The following INTS8 variants were observed in gnomAD, a reference collection of about 807,000 sequenced individuals.
The protein encoded by INTS8 is protein kaonashi-1.
INTS8 carries 47 observed loss-of-function variants against 138.9 expected under a neutral mutation model. The ratio of observed to expected loss-of-function variants is 0.34; its 90% CI spans 0.27 to 0.43. INTS8 has a LOEUF of 0.43. Ranked by LOEUF, INTS8 falls within the 20% of genes least tolerant of loss-of-function variation. INTS8 has a pLI of 1.00. For synonymous variants in INTS8, 392 were observed against 400.9 expected (o/e 0.98, Z 0.27); for missense variants, 996 against 1,173.0 (o/e 0.85, Z 2.20).
At chr8:94,876,689 A>C in intron 26 of INTS8, 200 bp downstream of exon 26, 1 of 468,238 alleles carries the variant, frequency 2.1e-6, no homozygotes, top group Non-Finnish European at 3.7e-6. Flanking sequence ...ATGTTAGATC[A>C]TGTCATTTCT....
intron 17 of INTS8, 160 bp downstream of exon 17, chr8:94,865,850 GAAC>G: frequency 1.5e-6 from 1 of 666,886 alleles, no homozygotes; most frequent in Non-Finnish European, 2.5e-6. Context: ...CACCTGTGAT[GAAC>G]CTGTCTGCCT....
intron 16 of INTS8, among the ~76,000 whole-genome samples, chr8:94,863,683 C>T (rs1205827935): frequency 6.6e-6 from 1 of 152,094 alleles, no homozygotes; most frequent in Admixed American, 6.6e-5. Flanking sequence ...TGATTTGAGG[C>T]CTTAGACTTT....
At chr8:94,874,640 A>G (rs1251469146) in intron 23 of INTS8, 38 bp downstream of exon 23, 7 of 1,182,118 alleles carry the variant, frequency 5.9e-6, no homozygotes, top group African/African-American at 1.5e-5. Context: ...TTATTTTTAC[A>G]TATGTTAGAG....
At chr8:94,872,644 T>G (rs933437473) in intron 21 of INTS8, among the ~76,000 whole-genome samples, 1 of 152,218 alleles carries the variant, frequency 6.6e-6, no homozygotes, top group African/African-American at 2.4e-5. Context: ...TTTTTATTCT[T>G]GAAGATAGAT....
chr8:94,824,370 T>C (rs1375269659), intron 1 of INTS8, among the ~76,000 whole-genome samples: 2 of 152,228 alleles, frequency 1.3e-5, no homozygotes, highest in African/African-American at 4.8e-5. Flanking sequence ...TTTTGAAAGA[T>C]AATTTGTTGA....
rs1815134875 is a variant in INTS8 at position 94,841,581 on chromosome 8, G to A, written c.1108G>A (p.Ala370Thr). 1.3e-6 allele frequency: 2 copies of A among 1,562,442 alleles called. No individual in the cohort carries two copies. Among genetic ancestry groups the A allele is most frequent in the Admixed American group, 3.5e-5 (2 of 56,508 alleles). The stretch of plus-strand genomic sequence containing the variant: ...AGTCCTAAGAGAACTCTTTAAGAAA[G>A]CTCAACAGGGGTAAGTAAGTTGAAA... Reference protein sequence around the residue: ...QSVLRELFKKAQQGNEALDEI... With the variant: ...QSVLRELFKKTQQGNEALDEI... The change falls in exon 9 of 27, where the codon GCT becomes ACT. Residue 370 changes from alanine to threonine, a missense_variant. Coordinates refer to ENST00000523731, the MANE Select transcript of INTS8 (RefSeq NM_017864.4).
intron 10 of INTS8, among the ~76,000 whole-genome samples, chr8:94,847,164 A>G (rs1318972541): frequency 1.3e-5 from 2 of 151,938 alleles, no homozygotes; most frequent in Non-Finnish European, 1.5e-5. Flanking sequence ...CTCAGCCTCC[A>G]CAGTAGCTGA....
At chr8:94,825,198 C>G in intron 2 of INTS8, 131 bp downstream of exon 2, 2 of 578,360 alleles carry the variant, frequency 3.5e-6, no homozygotes, top group South Asian at 2.2e-5. Flanking sequence ...CTATAATAAT[C>G]CCGGCACTTT....
At chr8:94,868,670 CTTTTCTT>C (rs1311345435) in intron 20 of INTS8, 1 of 145,980 alleles carries the variant, frequency 6.9e-6, no homozygotes. Flanking sequence ...TTTCTTTTCT[CTTTTCTT>C]TTCTTTTTTT....
At chr8:94,871,708 C>A (rs1478052628) in intron 20 of INTS8, among the ~76,000 whole-genome samples, 176 bp from the exon 21 acceptor site, 1 of 152,190 alleles carries the variant, frequency 6.6e-6, no homozygotes, top group African/African-American at 2.4e-5. Context: ...AAGCCCATCA[C>A]ACTTTCTTAG....
chr8:94,851,241 TG>T (rs1815533485), intron 12 of INTS8, among the ~76,000 whole-genome samples: 1 of 152,236 alleles, frequency 6.6e-6, no homozygotes, highest in Non-Finnish European at 1.5e-5. Flanking sequence ...TGTATAAGTC[TG>T]TAAGTTAATT....
intron 10 of INTS8, among the ~76,000 whole-genome samples, chr8:94,845,321 C>T (rs2131022018): frequency 6.6e-6 from 1 of 152,250 alleles, no homozygotes; most frequent in Admixed American, 6.5e-5. Flanking sequence ...CCACCAATCT[C>T]TAGGGCCACC....
intron 22 of INTS8, among the ~76,000 whole-genome samples, chr8:94,873,934 T>A (rs1384604563): frequency 6.6e-6 from 1 of 151,478 alleles, no homozygotes; most frequent in African/African-American, 2.4e-5. Context: ...TAAATCCCTA[T>A]TTTTTTTTCC....
At position 94,838,351 on chromosome 8, in the gene INTS8, G is replaced by A. The variant is rs374253595; in HGVS notation, c.862-112G>A. ...AGGCGTGAACCGCTGTGCCCAGCCC[G>A]GCTTGAATTTTTCGTTAGCATTTCC... On this transcript the variant is annotated intron_variant, in intron 7 of 26. Coordinates refer to ENST00000523731, the MANE Select transcript of INTS8 (RefSeq NM_017864.4). 1.1e-4 allele frequency: 96 copies of A among 867,172 alleles called. 2 individuals are homozygous for A. The highest frequency in any genetic ancestry group is 8.5e-4 in the East Asian group (33 of 38,924). The allele number at this position is 867,172 out of a possible 1,614,324, so 53.7% of individuals were successfully genotyped here.
chr8:94,847,687 A>G (rs1376845263), intron 10 of INTS8, among the ~76,000 whole-genome samples: 1 of 152,122 alleles, frequency 6.6e-6, no homozygotes, highest in Non-Finnish European at 1.5e-5. Flanking sequence ...GATGCCCACT[A>G]GTTTGAGTTT....
intron 21 of INTS8, among the ~76,000 whole-genome samples, chr8:94,872,326 C>T (rs1198472590): frequency 2.6e-5 from 4 of 152,030 alleles, no homozygotes; most frequent in African/African-American, 4.8e-5. Flanking sequence ...CTCCGCCTCC[C>T]GGGTTCAAGC....
intron 16 of INTS8, among the ~76,000 whole-genome samples, chr8:94,861,091 T>A (rs1424688087): frequency 6.6e-6 from 1 of 151,100 alleles, no homozygotes; most frequent in African/African-American, 2.4e-5. Flanking sequence ...TAAATCTGTG[T>A]TTTTCTGGGA....
Position 94,854,908 on chromosome 8 carries a change from A to ATT in INTS8, c.1752+1010_1752+1011dup, listed in dbSNP as rs35252211. The stretch of plus-strand genomic sequence containing the variant: ...CACCATGCCCAGCTTATTTGAAAGA[A>ATT]TTTTTTTTTTTTTTTTTTGCAGAGA... On this transcript the variant is annotated intron_variant, in intron 14 of 26. Coordinates refer to ENST00000523731, the MANE Select transcript of INTS8 (RefSeq NM_017864.4). Among the ~76,000 whole-genome samples, 588 of 135,702 alleles carry ATT rather than the reference A, an allele frequency of 4.3e-3. 7 individuals carry two copies. Among genetic ancestry groups the ATT allele is most frequent in the Middle Eastern group, 7.6e-3 (2 of 262 alleles). The allele number at this position is 135,702 out of a possible 152,430, so 89.0% of individuals were successfully genotyped here.
chr8:94,842,628 A>G (rs1815177225), intron 10 of INTS8, 140 bp downstream of exon 10: 13 of 610,136 alleles, frequency 2.1e-5, no homozygotes, highest in Admixed American at 6.4e-5. Flanking sequence ...TTGACAGACT[A>G]TGCCCTTCCG....
Sources: gnomAD v4.1 joint callset for allele counts (sites outside exome capture counted in the v4.1 genomes callset) on GRCh38, gnomAD v4.1.1 for gene constraint, MANE v1.5 for transcripts, NCBI Gene and HGNC (gene_info 2026-07-23, HGNC 2026-07-21) for gene names.